ZNF534: variants seen among roughly 807,000 people sequenced by gnomAD.
ZNF534 encodes the protein KRAB domain only 3.
In ZNF534, 19 loss-of-function variants were observed where a neutral mutation model predicts 13.6. That is an observed-to-expected ratio of 1.40 (90% CI 0.97 to 2.05). The LOEUF (loss-of-function observed/expected upper bound fraction) is 2.05, where lower values mean the gene tolerates loss of function less well. ZNF534 is among the 30% of genes most tolerant of loss of function. The pLI, the probability that ZNF534 is intolerant of heterozygous loss-of-function variation, is 0.00. For synonymous variants in ZNF534, 244 were observed against 273.8 expected (o/e 0.89, Z 1.07); for missense variants, 782 against 796.3 (o/e 0.98, Z 0.22).
Position 52,438,780 on chromosome 19 carries a change from T to C in ZNF534, c.1320T>C (p.Cys440=), listed in dbSNP as rs1313228750. 6.2e-7 allele frequency: 1 copy of C among 1,608,280 alleles called. No individual in the cohort carries two copies. The highest frequency in any genetic ancestry group is 1.7e-5 in the Admixed American group (1 of 58,994). ...ATACTGGAGAGAAACCTTACGAATG[T>C]ATAGACTGTGGCAAGGTCTTCAGGC... ...LIHTGEKPYE[C]IDCGKVFRHK... is the part of the protein sequence containing the mutation. The change falls in exon 5 of 5, where the codon TGT becomes TGC. Residue 440 remains cysteine (C), a synonymous_variant. Transcript: ENST00000433050.
intron 4 of ZNF534, among the ~76,000 whole-genome samples, chr19:52,449,519 C>T (rs1484037318): frequency 1.5e-5 from 2 of 129,050 alleles, no homozygotes; most frequent in Admixed American, 8.7e-5. Flanking sequence ...TCTTCCTTTG[C>T]ATATTCACCA....
intron 1 of ZNF534, among the ~76,000 whole-genome samples, chr19:52,430,268 G>A (rs907344142): frequency 3.3e-5 from 5 of 151,158 alleles, no homozygotes; most frequent in South Asian, 2.1e-4. Flanking sequence ...CACCTGCCTC[G>A]GCCTCCCAAA....
In ZNF534 at chr19:52,438,509, G is replaced by A; in HGVS notation, c.1049G>A (p.Gly350Glu). ...SLTTHQTVHT[G>E]ERPYKCNECG... ...ACCACTCATCAGACAGTTCATACTGGAGAGAGACCATACAAATGTAATGAA... is the reference window on the plus strand; with the variant it reads ...ACCACTCATCAGACAGTTCATACTGAAGAGAGACCATACAAATGTAATGAA... Residue 350 changes from glycine (G) to glutamate (E), a missense_variant, in exon 5 of 5, where the codon GGA becomes GAA. Transcript: ENST00000433050. The A allele has an allele frequency of 6.3e-7, 1 of 1,589,160 alleles. No individual in the cohort carries two copies.
At chr19:52,436,642 C>A (rs2059130775) in intron 4 of ZNF534, among the ~76,000 whole-genome samples, 1 of 152,076 alleles carries the variant, frequency 6.6e-6, no homozygotes, top group Non-Finnish European at 1.5e-5. Context: ...ATCATGTTTT[C>A]TTTGTGGTCT....
chr19:52,429,887 A>G (rs1308281013), intron 1 of ZNF534, among the ~76,000 whole-genome samples: 2 of 150,610 alleles, frequency 1.3e-5, no homozygotes, highest in Non-Finnish European at 3.0e-5. Context: ...GAGCCACCGT[A>G]CTTGGCCAAT....
Position 52,438,714 on chromosome 19 carries a change from A to C in ZNF534, c.1254A>C (p.Ala418=), listed in dbSNP as rs1182763299. The C allele has an allele frequency of 6.3e-7, 1 of 1,586,894 alleles. No individual in the cohort carries two copies. The highest frequency in any genetic ancestry group is 1.4e-5 in the African/African-American group (1 of 73,840). ...RRYKCNECGK[A]FRTCSDLTAH... ...ACAAATGTAATGAATGTGGCAAAGCATTTAGAACGTGTTCAGATCTCACTG... is the reference window on the plus strand; with the variant it reads ...ACAAATGTAATGAATGTGGCAAAGCCTTTAGAACGTGTTCAGATCTCACTG... Residue 418 remains alanine, a synonymous_variant, in exon 5 of 5, where the codon GCA becomes GCC. Coordinates refer to ENST00000433050, the MANE Select transcript of ZNF534 (RefSeq NM_001143938.3).
downstream of ZNF534, among the ~76,000 whole-genome samples, chr19:52,447,462 GTTT>G (rs1436904352): frequency 2.0e-5 from 3 of 152,004 alleles, no homozygotes. Flanking sequence ...ATTCAGTTTT[GTTT>G]TTTGTTTTTC....
At chr19:52,447,115 C>T (rs1015177662), downstream of ZNF534, among the ~76,000 whole-genome samples, 1 of 152,134 alleles carries the variant, frequency 6.6e-6, no homozygotes, top group African/African-American at 2.4e-5. Flanking sequence ...CTAACTCCAC[C>T]TGCATCTTTC....
downstream of ZNF534, among the ~76,000 whole-genome samples, chr19:52,443,769 C>G: frequency 6.6e-6 from 1 of 151,764 alleles, no homozygotes; most frequent in South Asian, 2.1e-4. Flanking sequence ...CAAAAAAAAT[C>G]ACCTTGTCTT....
exon 5 of ZNF534, chr19:52,451,591 C>A (rs775948674): frequency 8.3e-6 from 5 of 599,816 alleles, no homozygotes; most frequent in Non-Finnish European, 1.5e-5. Context: ...ACGCGGGCTA[C>A]GATCTGTACA....
In ZNF534 at chr19:52,448,436, G is replaced by A. The variant is rs114026037; in HGVS notation, c.272-2751G>A. On this transcript the variant is annotated intron_variant, in intron 4 of 4. Transcript: ENST00000301085. ...TATTTTTTAAAATTAGCCCGGCATG[G>A]TGTTCCATCTACTTGTGAATGTGAG... Among the ~76,000 whole-genome samples the A allele has an allele frequency of 8.2e-3, 1,240 of 152,120 alleles. 22 individuals carry two copies. The highest frequency in any genetic ancestry group is 0.029 in the African/African-American group (1,183 of 41,484).
In ZNF534 at chr19:52,434,133, G is replaced by A. The variant is rs537760101; in HGVS notation, c.142+52G>A. 38 of 1,580,650 alleles carry A rather than the reference G, an allele frequency of 2.4e-5. No individual in the cohort carries two copies. The South Asian group carries it at 4.2e-4, about 17-fold the overall frequency. ...TGCATCTGCTCTGGTATATCTTTTT[G>A]CATTTTCTCTTGTGTGTCTCTCGGG... On this transcript the variant is annotated intron_variant, in intron 3 of 4. Coordinates refer to ENST00000433050, the MANE Select transcript of ZNF534 (RefSeq NM_001143938.3).
At chr19:52,430,955 A>G (rs1048680368) in intron 1 of ZNF534, among the ~76,000 whole-genome samples, 13 of 151,652 alleles carry the variant, frequency 8.6e-5, no homozygotes, top group Non-Finnish European at 1.9e-4. Flanking sequence ...AGTTCAAGGG[A>G]TTCTCCTGCC....
intron 1 of ZNF534, 92 bp from the exon 2 acceptor site, chr19:52,431,316 C>T: frequency 1.1e-6 from 1 of 947,998 alleles, no homozygotes; most frequent in Non-Finnish European, 1.6e-6. Flanking sequence ...ACCATCCTTC[C>T]AGAAGGTGAA....
Position 52,438,178 on chromosome 19 carries a change from AAGC to A in ZNF534, c.719_721del (p.Lys240_Pro241delinsThr), listed in dbSNP as rs765161463. 6.2e-7 allele frequency: 1 copy of A among 1,614,166 alleles called. No individual in the cohort carries two copies. Among genetic ancestry groups the A allele is most frequent in the East Asian group, 2.2e-5 (1 of 44,878 alleles). On this transcript the variant is annotated inframe_deletion, in exon 5 of 5. Transcript: ENST00000433050. ...ACATCAACGAATCCATACTGGAGAG[AAGC>A]CTTACAAATATAATGAATGTGGCAA...
At chr19:52,432,663 C>T (rs768100659) in intron 2 of ZNF534, among the ~76,000 whole-genome samples, 5 of 150,908 alleles carry the variant, frequency 3.3e-5, no homozygotes, top group African/African-American at 4.9e-5. Context: ...GACAGGGTCT[C>T]GCCCTGTCAC....
rs2059141554 is a variant in ZNF534, at chr19:52,438,158, A to C, written c.698A>C (p.Gln233Pro). 3.7e-6 allele frequency: 6 copies of C among 1,614,008 alleles called. No homozygotes were observed. Among genetic ancestry groups the C allele is most frequent in the Non-Finnish European group, 5.1e-6 (6 of 1,179,988 alleles). Residue 233 changes from glutamine (Q) to proline (P), a missense_variant, in exon 5 of 5, where the codon CAA becomes CCA. By Grantham distance (76) the Gln-to-Pro change is moderately conservative (BLOSUM62 -1). This residue lies in a region of ZNF534 where 591 missense variants were observed against 574.0 expected (regional missense o/e 1.03). Transcript: ENST00000433050. ...AGCAATTCAAACTTTGCACAACATCAACGAATCCATACTGGAGAGAAGCCT... is the reference window on the plus strand; with the variant it reads ...AGCAATTCAAACTTTGCACAACATCCACGAATCCATACTGGAGAGAAGCCT... ...FSSNSNFAQH[Q>P]RIHTGEKPYK...
exon 5 of ZNF534, chr19:52,451,556 C>T: frequency 3.3e-6 from 2 of 603,260 alleles, no homozygotes; most frequent in Non-Finnish European, 5.9e-6. Context: ...CGGCATGCAG[C>T]TCCGCGTTGC....
chr19:52,430,407 G>A (rs1356325920), intron 1 of ZNF534, among the ~76,000 whole-genome samples: 3 of 152,168 alleles, frequency 2.0e-5, no homozygotes, highest in African/African-American at 7.2e-5. Flanking sequence ...GGAGGTTTCA[G>A]GCATCCATTG....
Sources: allele counts gnomAD v4.1 joint callset (sites outside exome capture counted in the v4.1 genomes callset), GRCh38; gene constraint gnomAD v4.1.1; regional missense constraint gnomAD v4.1.1; transcripts MANE v1.5; gene names NCBI Gene and HGNC (gene_info 2026-07-23, HGNC 2026-07-21).